ATP10A: variants seen among roughly 807,000 people sequenced by gnomAD.
ATP10A encodes phospholipid-transporting ATPase VA.
A neutral mutation model predicts 147.8 loss-of-function variants in ATP10A; 111 were observed. The observed-to-expected ratio is 0.75, with a 90% CI of 0.64 to 0.88. ATP10A has a LOEUF of 0.88. Ranked by LOEUF, ATP10A falls within the 40% of genes least tolerant of loss-of-function variation. ATP10A has a pLI of 0.00. For synonymous variants in ATP10A, 875 were observed against 841.6 expected, an observed-to-expected ratio of 1.04 and a Z score of -0.69; for missense variants, 1,927 against 1,959.0, an observed-to-expected ratio of 0.98 and a Z score of 0.31.
At chr15:25,742,679 T>C (rs1887635889) in intron 2 of ATP10A, among the ~76,000 whole-genome samples, 1 of 152,206 alleles carries the variant, frequency 6.6e-6, no homozygotes, top group African/African-American at 2.4e-5. Flanking sequence ...AAGCCTTGCT[T>C]TCTCCTCCGT....
chr15:25,768,402 G>C (rs1282349610), intron 2 of ATP10A, among the ~76,000 whole-genome samples: 1 of 152,142 alleles, frequency 6.6e-6, no homozygotes, highest in African/African-American at 2.4e-5. Context: ...AGTGTGGACT[G>C]AGAGGCAAAG....
chr15:25,728,359 C>T (rs934599606), intron 3 of ATP10A, among the ~76,000 whole-genome samples: 10 of 151,440 alleles, frequency 6.6e-5, no homozygotes, highest in Non-Finnish European at 1.3e-4. Context: ...AAGGGTTCTT[C>T]GCCAGAGCAG....
chr15:25,718,399 G>A lies in ATP10A; in HGVS notation c.1364C>T (p.Ala455Val), dbSNP rs1440723193. 2.5e-6 allele frequency: 4 copies of A among 1,590,652 alleles called. No homozygotes were observed. Among genetic ancestry groups the A allele is most frequent in the Non-Finnish European group, 1.7e-6 (2 of 1,172,058 alleles). ...CTCTTGGTACCTGGCCAGACGCTGCGCTGCGGGGAGAGGGCGCAGGGTGAG... is the reference window on the plus strand; with the variant it reads ...CTCTTGGTACCTGGCCAGACGCTGCACTGCGGGGAGAGGGCGCAGGGTGAG... ...SGVEYSHDAN[A>V]QRLARYQEAD... is the part of the protein sequence containing the mutation. The change falls in exon 8 of 21, where the codon GCG (alanine) becomes GTG (valine). Residue 455 changes from alanine to valine, a missense_variant and splice_region_variant. By Grantham distance (64) the Ala-to-Val change is moderately conservative. Coordinates refer to ENST00000555815, the MANE Select transcript of ATP10A (RefSeq NM_024490.4).
chr15:25,679,455 A>C lies in ATP10A; in HGVS notation c.4386T>G (p.Leu1462=). ...GTCCACGTCCCGCTTGTCCATCTGC[A>C]AGCTGCTCCGTCCGGGAGAACTGTA... is the stretch of plus-strand genomic sequence containing the variant. The part of the protein sequence containing the change: ...SVLQFSRTEQ[L]ADGQAGRGLP... Residue 1462 remains leucine, a synonymous_variant, in exon 21 of 21, where the codon CTT becomes CTG. Coordinates refer to ENST00000555815, the MANE Select transcript of ATP10A (RefSeq NM_024490.4). 12 of 1,614,038 alleles carry C rather than the reference A, an allele frequency of 7.4e-6. No homozygotes were observed. The highest frequency in any genetic ancestry group is 4.4e-5 in the South Asian group (4 of 91,080).
intron 2 of ATP10A, among the ~76,000 whole-genome samples, chr15:25,773,808 A>C (rs1889464453): frequency 7.6e-6 from 1 of 132,354 alleles, no homozygotes. Context: ...AAACATACAC[A>C]CCTAAACATC....
intron 1 of ATP10A, among the ~76,000 whole-genome samples, chr15:25,845,314 TTG>T (rs1381747269): frequency 1.5e-5 from 2 of 133,444 alleles, no homozygotes; most frequent in South Asian, 5.0e-4. Flanking sequence ...CACGGACCGT[TTG>T]TGTGTTTGTG....
chr15:25,822,004 G>A (rs1417072692), intron 1 of ATP10A, among the ~76,000 whole-genome samples: 2 of 152,192 alleles, frequency 1.3e-5, no homozygotes, highest in African/African-American at 2.4e-5. Flanking sequence ...TCACAGATGC[G>A]GAAGTTTCTG....
intron 9 of ATP10A, among the ~76,000 whole-genome samples, 171 bp downstream of exon 9, chr15:25,716,559 C>G (rs1284564199): frequency 6.6e-6 from 1 of 152,220 alleles, no homozygotes; most frequent in African/African-American, 2.4e-5. Context: ...TGCAGAACCA[C>G]AAGCACTGTT....
chr15:25,841,279 GT>G (rs59687038), intron 1 of ATP10A, among the ~76,000 whole-genome samples: 61,677 of 145,478 alleles, frequency 0.42, 14,566 homozygotes, highest in Admixed American at 0.53. Flanking sequence ...GAGGTTTAGG[GT>G]TTTTTTTTTT....
intron 1 of ATP10A, among the ~76,000 whole-genome samples, chr15:25,791,286 C>A (rs1268629834): frequency 6.6e-6 from 1 of 152,102 alleles, no homozygotes; most frequent in East Asian, 1.9e-4. Flanking sequence ...CATCTCCCTG[C>A]CACCCAGACC....
chr15:25,713,922 T>A lies in ATP10A; in HGVS notation c.2096A>T (p.Asp699Val), dbSNP rs1224034148. 1 of 1,612,544 alleles carries A rather than the reference T, an allele frequency of 6.2e-7. No homozygotes were observed. Among genetic ancestry groups the A allele is most frequent in the East Asian group, 2.2e-5 (1 of 44,874 alleles). Residue 699 changes from aspartate (D) to valine (V), a missense_variant, in exon 10 of 21, where the codon GAT becomes GTT. Transcript: ENST00000555815. ...RELRYEAESP[D>V]EAALVYAARA... ...GGCCGCATACACCAGTGCGGCCTCA[T>A]CCGGGCTCTCCGCCTCGTACCGCAG...
intron 2 of ATP10A, among the ~76,000 whole-genome samples, chr15:25,759,036 A>G (rs887394363): frequency 7.2e-5 from 11 of 152,250 alleles, no homozygotes; most frequent in African/African-American, 1.2e-4. Context: ...ACCCTAGCCA[A>G]TGGGGGACCG....
At chr15:25,820,815 A>G (rs368049326) in intron 1 of ATP10A, among the ~76,000 whole-genome samples, 73 of 152,326 alleles carry the variant, frequency 4.8e-4, no homozygotes, top group African/African-American at 1.7e-3. Context: ...TAAAACCATA[A>G]GGCAAACAGA....
chr15:25,704,020 C>T lies in ATP10A; in HGVS notation c.2576-1920G>A, dbSNP rs146998677. On this transcript the variant is annotated intron_variant, in intron 12 of 20. Coordinates refer to ENST00000555815, the MANE Select transcript of ATP10A (RefSeq NM_024490.4). ...AAGCCAGGTCACGCTCTGTGCTCCC[C>T]GTGAGCACATCCCCAGCCACCCGGG... Among the ~76,000 whole-genome samples the T allele has an allele frequency of 5.9e-4, 89 of 151,874 alleles. 1 individual carries two copies. The highest frequency in any genetic ancestry group is 1.8e-3 in the African/African-American group (76 of 41,124).
At chr15:25,691,621 G>A in intron 15 of ATP10A, 94 bp downstream of exon 15, 2 of 1,270,070 alleles carry the variant, frequency 1.6e-6, no homozygotes, top group Non-Finnish European at 2.3e-6. Flanking sequence ...TCGTTCAGTA[G>A]AGCCCAGAGG....
At chr15:25,812,884 A>T (rs1447037353) in intron 1 of ATP10A, among the ~76,000 whole-genome samples, 1 of 152,222 alleles carries the variant, frequency 6.6e-6, no homozygotes, top group Non-Finnish European at 1.5e-5. Context: ...CTTCTGCATC[A>T]AATAAGTAAG....
chr15:25,771,512 C>T (rs1889333069), intron 2 of ATP10A, among the ~76,000 whole-genome samples: 1 of 152,168 alleles, frequency 6.6e-6, no homozygotes, highest in Non-Finnish European at 1.5e-5. Flanking sequence ...GGCTTATCTT[C>T]CCAGCTACAG....
chr15:25,833,043 T>C (rs1892430581), intron 1 of ATP10A, among the ~76,000 whole-genome samples: 1 of 148,170 alleles, frequency 6.7e-6, no homozygotes, highest in Non-Finnish European at 1.5e-5. Context: ...AGTGCAGTGG[T>C]GTGATCTCGG....
intron 1 of ATP10A, among the ~76,000 whole-genome samples, chr15:25,810,148 C>A (rs1455798365): frequency 6.6e-6 from 1 of 152,140 alleles, no homozygotes; most frequent in Non-Finnish European, 1.5e-5. Context: ...ACAGTGGGGA[C>A]GTGTTGGGGA....
Sources: gnomAD v4.1 joint callset for allele counts (sites outside exome capture counted in the v4.1 genomes callset) on GRCh38, gnomAD v4.1.1 for gene constraint, MANE v1.5 for transcripts, NCBI Gene and HGNC (gene_info 2026-07-23, HGNC 2026-07-21) for gene names.